Variants in FGF13 observed in about 807,000 individuals in gnomAD.
The protein encoded by FGF13 is fibroblast growth factor 13, also known as fibroblast growth factor homologous factor 2.
Under a neutral mutation model 19.5 loss-of-function variants are expected in FGF13, and 2 were observed. That is an observed-to-expected ratio of 0.10 (90% CI 0.04 to 0.32). The LOEUF is 0.32. Ranked by LOEUF, FGF13 falls within the 10% of genes least tolerant of loss-of-function variation. FGF13 has a pLI of 1.00. For synonymous variants in FGF13, 72 were observed against 76.9 expected, an observed-to-expected ratio of 0.94 and a Z score of 0.33; for missense variants, 113 against 192.7, an observed-to-expected ratio of 0.59 and a Z score of 2.45.
At chrX:139,113,949 T>C (rs2083621460) in intron 1 of FGF13, among the ~76,000 whole-genome samples, 1 of 112,125 alleles carries the variant, frequency 8.9e-6, no homozygotes, top group Non-Finnish European at 1.9e-5. Context: ...AAAGCAAAAG[T>C]GACTTCGGAT....
chrX:138,930,035 T>C (rs2091694292), intron 1 of FGF13, among the ~76,000 whole-genome samples: 1 of 111,751 alleles, frequency 8.9e-6, no homozygotes, highest in South Asian at 3.7e-4. Flanking sequence ...CAGCATGCAT[T>C]CAAAATTTAC....
chrX:139,131,466 G>C (rs1317899309), intron 1 of FGF13, among the ~76,000 whole-genome samples: 1 of 110,336 alleles, frequency 9.1e-6, no homozygotes, highest in Non-Finnish European at 1.9e-5. Flanking sequence ...ATGATGAACA[G>C]AGCTAGGTGC....
chrX:138,895,789 G>A (rs1323872489), intron 1 of FGF13, among the ~76,000 whole-genome samples: 1 of 111,843 alleles, frequency 8.9e-6, no homozygotes, highest in Non-Finnish European at 1.9e-5. Context: ...AAGAAAATGT[G>A]ACATATATAC....
Position 139,133,655 on chromosome X carries a change from G to A in FGF13, c.-113+69761C>T, listed in dbSNP as rs562954776. On this transcript the variant is annotated intron_variant, in intron 1 of 2. Transcript: ENST00000421460. ...CACCTTCTCATATTCACTGGGGGCT[G>A]TGGTACCTGACTCCCAAGTTTCCTC... 1.3e-4 allele frequency among the ~76,000 whole-genome samples: 14 copies of A among 111,420 alleles called. No individual in the cohort carries two copies. The South Asian group carries it at 5.4e-3, about 43-fold the overall frequency.
At chrX:138,956,980 G>A (rs2091844256) in intron 1 of FGF13, among the ~76,000 whole-genome samples, 1 of 111,635 alleles carries the variant, frequency 9.0e-6, no homozygotes, top group Admixed American at 9.5e-5. Context: ...TCCTAAAAGG[G>A]ATTTCAAAAG....
At chrX:138,909,161 T>C (rs1054338370) in intron 1 of FGF13, among the ~76,000 whole-genome samples, 1 of 111,771 alleles carries the variant, frequency 8.9e-6, no homozygotes, top group African/African-American at 3.3e-5. Context: ...CAGGAAATCT[T>C]ATAGCCAAAA....
At chrX:139,147,244 T>C (rs1392536236) in intron 1 of FGF13, among the ~76,000 whole-genome samples, 1 of 108,255 alleles carries the variant, frequency 9.2e-6, no homozygotes, top group Non-Finnish European at 1.9e-5. Flanking sequence ...CAAAAGTCTA[T>C]GAGCAGATGA....
In FGF13 at chrX:138,667,999, T is replaced by TA. The variant is rs768339456; in HGVS notation, c.403-32345dup. 5.0e-4 allele frequency among the ~76,000 whole-genome samples: 55 copies of TA among 111,004 alleles called. 2 individuals carry two copies. The highest frequency in any genetic ancestry group is 7.8e-4 in the Non-Finnish European group (41 of 52,757). ...ACTTTACATAAATTTTTCTTAGTCT[T>TA]AAAAAAAATGACAATTTAATATATG... On this transcript the variant is annotated intron_variant, in intron 3 of 4. Coordinates refer to ENST00000315930, the MANE Select transcript of FGF13 (RefSeq NM_004114.5).
chrX:139,113,927 G>A (rs1326443071), intron 1 of FGF13, among the ~76,000 whole-genome samples: 1 of 111,792 alleles, frequency 8.9e-6, no homozygotes, highest in Non-Finnish European at 1.9e-5. Context: ...AGATTCTCCG[G>A]TGTCTCTAGG....
intron 1 of FGF13, among the ~76,000 whole-genome samples, chrX:139,093,520 C>G (rs1172971727): frequency 8.9e-6 from 1 of 112,102 alleles, no homozygotes; most frequent in Non-Finnish European, 1.9e-5. Flanking sequence ...TAAAAACTTC[C>G]AGAGATAGTG....
chrX:139,029,032 C>T (rs1026612780), intron 1 of FGF13, among the ~76,000 whole-genome samples: 1 of 110,685 alleles, frequency 9.0e-6, no homozygotes, highest in African/African-American at 3.3e-5. Flanking sequence ...ATTTTTTTCT[C>T]TCAAAGTCTC....
intron 1 of FGF13, among the ~76,000 whole-genome samples, chrX:138,970,059 GA>G (rs2091909357): frequency 8.9e-6 from 1 of 111,860 alleles, no homozygotes; most frequent in Non-Finnish European, 1.9e-5. Context: ...TGAAGAAAAG[GA>G]AAGGAAATTC....
intron 1 of FGF13, among the ~76,000 whole-genome samples, chrX:139,067,406 C>G (rs1238477899): frequency 8.9e-6 from 1 of 111,839 alleles, no homozygotes; most frequent in African/African-American, 3.3e-5. Flanking sequence ...CCCAAAATCT[C>G]CTTAAGTTGA....
intron 1 of FGF13, among the ~76,000 whole-genome samples, chrX:139,124,184 G>A (rs936834148): frequency 8.0e-5 from 9 of 112,457 alleles, no homozygotes; most frequent in Admixed American, 7.5e-4. Flanking sequence ...TCCCTGGGAT[G>A]TGAGTATATG....
intron 3 of FGF13, 75 bp downstream of exon 3, chrX:138,702,909 A>G (rs1247418712): frequency 3.8e-5 from 25 of 666,637 alleles, no homozygotes; most frequent in Admixed American, 7.1e-5. Flanking sequence ...TAATGATAAC[A>G]CATATAAAGC....
intron 1 of FGF13, among the ~76,000 whole-genome samples, chrX:139,095,609 T>A (rs1046137427): frequency 5.3e-5 from 6 of 112,158 alleles, no homozygotes; most frequent in Non-Finnish European, 1.1e-4. Flanking sequence ...TATCTGAGTC[T>A]CAGTTTTCTC....
chrX:138,714,661 G>GCGCACACA (rs767582261), upstream of FGF13: 1 of 110,071 alleles, frequency 9.1e-6, no homozygotes, highest in African/African-American at 3.3e-5. Flanking sequence ...ACACGCGCGC[G>GCGCACACA]CACACACACA....
intron 3 of FGF13, among the ~76,000 whole-genome samples, chrX:138,843,223 G>T (rs2091161191): frequency 1.8e-5 from 2 of 112,084 alleles, no homozygotes; most frequent in African/African-American, 6.5e-5. Flanking sequence ...CATGTTAAAT[G>T]TAACCTTCTT....
At chrX:138,898,164 A>C (rs2091513330) in intron 1 of FGF13, among the ~76,000 whole-genome samples, 1 of 111,419 alleles carries the variant, frequency 9.0e-6, no homozygotes, top group African/African-American at 3.3e-5. Flanking sequence ...ACAAATTATG[A>C]CTTCCTAGTA....
Sources: gnomAD v4.1 joint callset for allele counts (sites outside exome capture counted in the v4.1 genomes callset) on GRCh38, gnomAD v4.1.1 for gene constraint, MANE v1.5 for transcripts, NCBI Gene and HGNC (gene_info 2026-07-23, HGNC 2026-07-21) for gene names.